The following ZMAT4 variants were observed in gnomAD, a reference collection of about 807,000 sequenced individuals.
ZMAT4 encodes the protein zinc finger matrin-type protein 4.
In ZMAT4, 17 loss-of-function variants were observed where a neutral mutation model predicts 28.7. That is an observed-to-expected ratio of 0.59 (90% CI 0.41 to 0.89). ZMAT4 has a LOEUF of 0.89. ZMAT4 is among the 40% of genes least tolerant of loss of function. The probability of loss-of-function intolerance (pLI) is 0.00; values close to 1 mark genes in which losing one functional copy is unlikely to be tolerated. For missense variants in ZMAT4, 240 were observed against 283.8 expected (o/e 0.85, Z 1.11); for synonymous variants, 117 against 109.2 (o/e 1.07, Z -0.44).
chr8:40,581,669 T>C (rs771017417), intron 5 of ZMAT4, among the ~76,000 whole-genome samples: 1 of 152,192 alleles, frequency 6.6e-6, no homozygotes, highest in African/African-American at 2.4e-5. Flanking sequence ...AATGACAGCA[T>C]TGAAAATTCA....
chr8:40,744,439 C>T (rs1296195662), intron 3 of ZMAT4, among the ~76,000 whole-genome samples: 3 of 152,156 alleles, frequency 2.0e-5, no homozygotes, highest in East Asian at 3.9e-4. Flanking sequence ...TAGGAACACC[C>T]TGCTCTTCAG....
intron 5 of ZMAT4, among the ~76,000 whole-genome samples, chr8:40,600,047 A>C (rs1024570520): frequency 2.6e-5 from 4 of 152,240 alleles, no homozygotes; most frequent in Admixed American, 2.6e-4. Flanking sequence ...GCTTCAAACA[A>C]CAATGTCATC....
chr8:40,596,636 A>G (rs1409121962), intron 5 of ZMAT4, among the ~76,000 whole-genome samples: 4 of 152,326 alleles, frequency 2.6e-5, no homozygotes, highest in Non-Finnish European at 4.4e-5. Flanking sequence ...ACACCATCAT[A>G]TATGTGATTC....
chr8:40,809,522 G>A (rs1815235716), intron 2 of ZMAT4, among the ~76,000 whole-genome samples: 1 of 152,202 alleles, frequency 6.6e-6, no homozygotes, highest in Admixed American at 6.5e-5. Flanking sequence ...CATGGCTTTT[G>A]TTCTCAACAT....
At chr8:40,561,743 C>T (rs975742964) in intron 6 of ZMAT4, among the ~76,000 whole-genome samples, 10 of 152,160 alleles carry the variant, frequency 6.6e-5, no homozygotes, top group African/African-American at 1.4e-4. Flanking sequence ...AATACAAATT[C>T]GTAAACTTTC....
At chr8:40,604,900 G>C (rs886077416) in intron 5 of ZMAT4, among the ~76,000 whole-genome samples, 1 of 152,114 alleles carries the variant, frequency 6.6e-6, no homozygotes, top group Admixed American at 6.5e-5. Context: ...CAGGCTCACT[G>C]CTTGTCATTG....
intron 5 of ZMAT4, among the ~76,000 whole-genome samples, chr8:40,611,921 T>TTG (rs1388753489): frequency 6.6e-6 from 1 of 152,208 alleles, no homozygotes. Context: ...GTCTGGAAAC[T>TTG]ACAGAACTCA....
intron 5 of ZMAT4, among the ~76,000 whole-genome samples, chr8:40,602,106 C>A (rs1805418026): frequency 6.6e-6 from 1 of 152,160 alleles, no homozygotes; most frequent in African/African-American, 2.4e-5. Context: ...GGAGTGAGAA[C>A]ATATGATGCT....
chr8:40,596,334 A>G (rs1451688), intron 5 of ZMAT4, among the ~76,000 whole-genome samples: 12,878 of 152,200 alleles, frequency 0.085, 574 homozygotes, highest in East Asian at 0.16. Context: ...ATAATAAATC[A>G]ACTTCAGCTT....
intron 2 of ZMAT4, among the ~76,000 whole-genome samples, chr8:40,801,730 A>T (rs1449207887): frequency 1.3e-5 from 2 of 152,168 alleles, no homozygotes; most frequent in African/African-American, 2.4e-5. Flanking sequence ...TCCTTCTATG[A>T]GGCCAGCATT....
intron 2 of ZMAT4, among the ~76,000 whole-genome samples, chr8:40,804,770 G>A (rs989729430): frequency 6.6e-6 from 1 of 152,056 alleles, no homozygotes; most frequent in African/African-American, 2.4e-5. Flanking sequence ...GAACCCGGGA[G>A]GTGGAGGTTG....
intron 1 of ZMAT4, among the ~76,000 whole-genome samples, chr8:40,861,481 A>G (rs1222561302): frequency 6.6e-6 from 1 of 152,128 alleles, no homozygotes; most frequent in Non-Finnish European, 1.5e-5. Context: ...CTAGAAGAAA[A>G]CCTAGGCAGT....
At chr8:40,606,012 C>T (rs1281807752) in intron 5 of ZMAT4, among the ~76,000 whole-genome samples, 1 of 152,010 alleles carries the variant, frequency 6.6e-6, no homozygotes, top group Admixed American at 6.6e-5. Flanking sequence ...TTTTGGTGTC[C>T]ATTTGCATGG....
intron 5 of ZMAT4, among the ~76,000 whole-genome samples, chr8:40,622,010 T>C (rs149038106): frequency 1.3e-5 from 2 of 152,334 alleles, no homozygotes; most frequent in East Asian, 3.9e-4. Context: ...GGCATTCCAT[T>C]TCAATTCACT....
Position 40,683,195 on chromosome 8 carries a change from T to A in ZMAT4, c.350-8264A>T, listed in dbSNP as rs78544592. ...AAGAGAAGAAATCACTTCTCTTACA[T>A]AAACTGCTGTACTTGAGGACATCCT... On this transcript the variant is annotated intron_variant, in intron 4 of 6. Transcript: ENST00000297737. Among the ~76,000 whole-genome samples, 987 of 152,296 alleles carry A rather than the reference T, an allele frequency of 6.5e-3. 7 individuals are homozygous for A. The highest frequency in any genetic ancestry group is 0.021 in the African/African-American group (886 of 41,566).
At chr8:40,636,706 G>A (rs568000835) in intron 5 of ZMAT4, among the ~76,000 whole-genome samples, 9 of 152,264 alleles carry the variant, frequency 5.9e-5, no homozygotes, top group South Asian at 4.1e-4. Context: ...CACTGACAAT[G>A]GATCCTCTGC....
chr8:40,770,686 T>A (rs1303452440), intron 2 of ZMAT4, among the ~76,000 whole-genome samples: 1 of 151,980 alleles, frequency 6.6e-6, no homozygotes, highest in Non-Finnish European at 1.5e-5. Flanking sequence ...TAGCTGGGAT[T>A]ATAGGAGCGT....
chr8:40,722,443 A>G (rs1811142293), intron 3 of ZMAT4, among the ~76,000 whole-genome samples: 2 of 152,208 alleles, frequency 1.3e-5, no homozygotes, highest in Admixed American at 1.3e-4. Flanking sequence ...TAAGTACTGT[A>G]TACAATTGGA....
At chr8:40,609,570 T>C (rs2118649865) in intron 5 of ZMAT4, among the ~76,000 whole-genome samples, 1 of 152,330 alleles carries the variant, frequency 6.6e-6, no homozygotes, top group African/African-American at 2.4e-5. Context: ...AACCCACAGT[T>C]AGGCTCTAAT....
Sources: allele counts gnomAD v4.1 joint callset (sites outside exome capture counted in the v4.1 genomes callset), GRCh38; gene constraint gnomAD v4.1.1; transcripts MANE v1.5; gene names NCBI Gene and HGNC (gene_info 2026-07-23, HGNC 2026-07-21).